The following CTNNA3 variants were observed in gnomAD, a reference collection of about 807,000 sequenced individuals.
The protein encoded by CTNNA3 is catenin alpha 3, also known as catenin alpha-3.
In CTNNA3, 76 loss-of-function variants were observed where a neutral mutation model predicts 95.7. The ratio of observed to expected loss-of-function variants is 0.79; its 90% CI spans 0.66 to 0.96. CTNNA3 has a LOEUF of 0.96. Ranked by LOEUF, CTNNA3 falls within the 40% of genes least tolerant of loss-of-function variation. The pLI is 0.00. For synonymous variants in CTNNA3, 431 were observed against 374.4 expected, an observed-to-expected ratio of 1.15 and a Z score of -1.74; for missense variants, 1,191 against 1,089.8, an observed-to-expected ratio of 1.09 and a Z score of -1.31.
chr10:66,624,203 TAA>T, intron 9 of CTNNA3, among the ~76,000 whole-genome samples: 1 of 152,108 alleles, frequency 6.6e-6, no homozygotes, highest in Non-Finnish European at 1.5e-5. Context: ...CTACAGTTAA[TAA>T]GCTTCTGATT....
At chr10:66,525,663 GAATA>G (rs1236072235) in intron 10 of CTNNA3, among the ~76,000 whole-genome samples, 1 of 152,080 alleles carries the variant, frequency 6.6e-6, no homozygotes, top group East Asian at 1.9e-4. Context: ...GAGAGAGAAA[GAATA>G]TATATATAAA....
At chr10:66,335,017 C>T (rs1186127430) in intron 12 of CTNNA3, among the ~76,000 whole-genome samples, 1 of 152,014 alleles carries the variant, frequency 6.6e-6, no homozygotes, top group African/African-American at 2.4e-5. Context: ...TCCAGTTGAT[C>T]GAATCGGCTA....
At chr10:67,563,557 A>T (rs1318283220) in intron 3 of CTNNA3, among the ~76,000 whole-genome samples, 1 of 152,220 alleles carries the variant, frequency 6.6e-6, no homozygotes, top group Non-Finnish European at 1.5e-5. Context: ...AAACCTAGGC[A>T]TTACCATTCA....
chr10:66,421,735 C>G (rs1398363585), intron 11 of CTNNA3, among the ~76,000 whole-genome samples: 2 of 149,058 alleles, frequency 1.3e-5, no homozygotes, highest in African/African-American at 2.5e-5. Context: ...ACTCGGGAGG[C>G]TGAGGCAAAG....
chr10:67,466,520 A>C (rs905134172), intron 5 of CTNNA3, among the ~76,000 whole-genome samples: 8 of 152,174 alleles, frequency 5.3e-5, no homozygotes, highest in Non-Finnish European at 8.8e-5. Context: ...AGAGCCAAAA[A>C]CTGAGACATA....
At chr10:66,798,374 A>G (rs932509202) in intron 7 of CTNNA3, among the ~76,000 whole-genome samples, 2 of 151,892 alleles carry the variant, frequency 1.3e-5, no homozygotes, top group Admixed American at 1.3e-4. Flanking sequence ...TAGCTTAAAA[A>G]AAGTTAATTG....
At chr10:67,757,252 C>T (rs1308218110) in intron 1 of CTNNA3, among the ~76,000 whole-genome samples, 2 of 152,160 alleles carry the variant, frequency 1.3e-5, no homozygotes, top group Non-Finnish European at 2.9e-5. Flanking sequence ...GCAAATATCT[C>T]TGTGTATTTA....
intron 7 of CTNNA3, among the ~76,000 whole-genome samples, chr10:67,176,389 T>C (rs1862245266): frequency 6.6e-6 from 1 of 152,198 alleles, no homozygotes; most frequent in African/African-American, 2.4e-5. Flanking sequence ...ACAATTCAGC[T>C]TTTTCTAAAT....
At chr10:66,439,874 G>A (rs1481648434) in intron 11 of CTNNA3, among the ~76,000 whole-genome samples, 2 of 152,076 alleles carry the variant, frequency 1.3e-5, no homozygotes, top group Non-Finnish European at 2.9e-5. Flanking sequence ...GTAGAAGCTG[G>A]TCAATACCTC....
In CTNNA3 at chr10:67,553,931, C is replaced by T. The variant is rs531749745; in HGVS notation, c.293-14262G>A. 2.0e-5 allele frequency among the ~76,000 whole-genome samples: 3 copies of T among 152,198 alleles called. No homozygotes were observed. The East Asian group carries it at 5.8e-4, about 29-fold the overall frequency. Reference sequence around the variant, plus strand: ...CCGTTCCCCCAACCCCACGACAGGCCCCAGTGTGTGGTGTTCCCCACCCTG... The same window carrying T: ...CCGTTCCCCCAACCCCACGACAGGCTCCAGTGTGTGGTGTTCCCCACCCTG... On this transcript the variant is annotated intron_variant, in intron 3 of 17. Transcript: ENST00000433211.
chr10:66,118,504 T>C (rs373580750), intron 13 of CTNNA3, among the ~76,000 whole-genome samples: 2 of 152,320 alleles, frequency 1.3e-5, no homozygotes, highest in Admixed American at 1.3e-4. Flanking sequence ...CCAGGCACTC[T>C]TTAGCTATGC....
intron 5 of CTNNA3, among the ~76,000 whole-genome samples, chr10:67,305,031 C>G (rs1375989846): frequency 6.6e-6 from 1 of 152,112 alleles, no homozygotes; most frequent in Non-Finnish European, 1.5e-5. Context: ...AATCCCAGCA[C>G]TTTGGGAGGC....
chr10:66,684,965 A>G (rs933748462), intron 9 of CTNNA3, among the ~76,000 whole-genome samples: 1 of 151,602 alleles, frequency 6.6e-6, no homozygotes, highest in African/African-American at 2.4e-5. Context: ...GTGAAAAAAA[A>G]CTATAACCAA....
intron 7 of CTNNA3, among the ~76,000 whole-genome samples, chr10:67,150,301 T>C (rs563098263): frequency 1.3e-5 from 2 of 152,312 alleles, no homozygotes; most frequent in Non-Finnish European, 2.9e-5. Flanking sequence ...TTAATTTGTC[T>C]GAAATGAATT....
intron 5 of CTNNA3, among the ~76,000 whole-genome samples, chr10:67,287,851 C>T (rs1839671831): frequency 6.6e-6 from 1 of 152,096 alleles, no homozygotes; most frequent in South Asian, 2.1e-4. Context: ...TAGTTTTAGT[C>T]TTAAAAGAGT....
chr10:67,382,933 A>G (rs980632375), intron 5 of CTNNA3, among the ~76,000 whole-genome samples: 8 of 152,128 alleles, frequency 5.3e-5, no homozygotes, highest in Non-Finnish European at 1.0e-4. Flanking sequence ...CAAGCCATTC[A>G]TGAGTGATCA....
At chr10:67,183,181 A>G (rs1862651373) in intron 6 of CTNNA3, among the ~76,000 whole-genome samples, 1 of 152,228 alleles carries the variant, frequency 6.6e-6, no homozygotes, top group South Asian at 2.1e-4. Flanking sequence ...CAGCCATCCC[A>G]TTACTGGGTA....
At chr10:67,380,003 A>G (rs1843868001) in intron 5 of CTNNA3, among the ~76,000 whole-genome samples, 1 of 138,564 alleles carries the variant, frequency 7.2e-6, no homozygotes, top group East Asian at 2.1e-4. Flanking sequence ...CCTGGGCGAC[A>G]GAGTGAGACT....
intron 5 of CTNNA3, among the ~76,000 whole-genome samples, chr10:67,235,777 C>T: frequency 7.0e-6 from 1 of 143,764 alleles, no homozygotes; most frequent in Non-Finnish European, 1.5e-5. Context: ...TGACAAAGGG[C>T]TAATATCCAG....
Sources: allele counts gnomAD v4.1 joint callset (sites outside exome capture counted in the v4.1 genomes callset), GRCh38; gene constraint gnomAD v4.1.1; transcripts MANE v1.5; gene names NCBI Gene and HGNC (gene_info 2026-07-23, HGNC 2026-07-21).